The following DLG2 variants were observed in gnomAD, a reference collection of about 807,000 sequenced individuals.
The protein encoded by DLG2 is disks large homolog 2.
In DLG2, 45 loss-of-function variants were observed where a neutral mutation model predicts 132.5. The ratio of observed to expected loss-of-function variants is 0.34; its 90% CI spans 0.27 to 0.44. The LOEUF is 0.44. DLG2 is among the 20% of genes least tolerant of loss of function. The pLI is 1.00. For missense variants in DLG2, 1,045 were observed against 1,196.9 expected, an observed-to-expected ratio of 0.87 and a Z score of 1.87; for synonymous variants, 424 against 419.6, an observed-to-expected ratio of 1.01 and a Z score of -0.13.
intron 7 of DLG2, among the ~76,000 whole-genome samples, chr11:84,510,961 C>T (rs1388900653): frequency 2.0e-5 from 3 of 151,962 alleles, no homozygotes; most frequent in Admixed American, 2.0e-4. Flanking sequence ...AGAGGAGACC[C>T]CTACCAGGAT....
At chr11:84,075,939 A>T (rs2096824615) in intron 10 of DLG2, among the ~76,000 whole-genome samples, 2 of 152,198 alleles carry the variant, frequency 1.3e-5, no homozygotes, top group East Asian at 3.9e-4. Context: ...TGGTATGCTT[A>T]ATCTATTACA....
At chr11:85,400,048 T>C (rs2087889587) in intron 3 of DLG2, among the ~76,000 whole-genome samples, 1 of 151,648 alleles carries the variant, frequency 6.6e-6, no homozygotes, top group Middle Eastern at 3.2e-3. Context: ...AAAGGGCTAA[T>C]ATCCAGAATC....
At chr11:83,865,027 G>A (rs978193532) in intron 16 of DLG2, among the ~76,000 whole-genome samples, 4 of 152,046 alleles carry the variant, frequency 2.6e-5, no homozygotes, top group Admixed American at 6.6e-5. Context: ...TTATTGTCCC[G>A]CAAATATTCA....
At chr11:84,927,311 T>C (rs1211870113) in intron 6 of DLG2, among the ~76,000 whole-genome samples, 3 of 151,992 alleles carry the variant, frequency 2.0e-5, no homozygotes, top group Admixed American at 6.6e-5. Context: ...AGTAGTTTTG[T>C]TAGATACCTT....
chr11:84,327,091 T>C (rs1272697877), intron 7 of DLG2, among the ~76,000 whole-genome samples: 1 of 151,528 alleles, frequency 6.6e-6, no homozygotes, highest in Non-Finnish European at 1.5e-5. Flanking sequence ...GTAAGTCTTA[T>C]AGACAACATA....
intron 6 of DLG2, among the ~76,000 whole-genome samples, chr11:85,005,348 C>T (rs950609368): frequency 1.3e-5 from 2 of 152,146 alleles, no homozygotes; most frequent in African/African-American, 2.4e-5. Flanking sequence ...ACTGATTCTT[C>T]CTATCCATGA....
chr11:84,581,859 A>C (rs2154529228), intron 6 of DLG2, among the ~76,000 whole-genome samples: 1 of 143,730 alleles, frequency 7.0e-6, no homozygotes, highest in East Asian at 2.3e-4. Flanking sequence ...GTCAGCCGAG[A>C]TTGCCTCATT....
At chr11:83,582,824 T>C (rs2097005895) in intron 19 of DLG2, among the ~76,000 whole-genome samples, 1 of 152,236 alleles carries the variant, frequency 6.6e-6, no homozygotes, top group African/African-American at 2.4e-5. Context: ...TACAGAGAAA[T>C]AATGTATAGA....
chr11:85,287,169 A>G (rs1343757207), intron 3 of DLG2, among the ~76,000 whole-genome samples: 1 of 152,106 alleles, frequency 6.6e-6, no homozygotes, highest in Non-Finnish European at 1.5e-5. Context: ...TGCATTATAT[A>G]TGTAGTTCAT....
At chr11:83,628,830 A>T (rs901824042) in intron 19 of DLG2, among the ~76,000 whole-genome samples, 2 of 152,182 alleles carry the variant, frequency 1.3e-5, no homozygotes, top group Non-Finnish European at 2.9e-5. Flanking sequence ...GTAAGCCGTA[A>T]ATCATGACCC....
chr11:85,617,663 A>C (rs1464428349), intron 2 of DLG2, among the ~76,000 whole-genome samples: 2 of 152,218 alleles, frequency 1.3e-5, no homozygotes, highest in Admixed American at 1.3e-4. Context: ...ACCAGTTTAC[A>C]CCATATATAC....
At chr11:83,991,712 A>G (rs758324421) in intron 11 of DLG2, among the ~76,000 whole-genome samples, 1 of 152,000 alleles carries the variant, frequency 6.6e-6, no homozygotes, top group South Asian at 2.1e-4. Context: ...CTCTATTTCT[A>G]TATTACAAAC....
rs139779661 is a variant in DLG2 at position 84,788,578 on chromosome 11, G to A, written c.358-253847C>T. On this transcript the variant is annotated intron_variant, in intron 6 of 27. Coordinates refer to ENST00000376104, the MANE Select transcript of DLG2 (RefSeq NM_001142699.3). ...ATGTAGTTATAATACATTTTATAAC[G>A]TATATACAATGTTTCCCTCTACTAC... is the stretch of plus-strand genomic sequence containing the variant. 9.6e-4 allele frequency among the ~76,000 whole-genome samples: 145 copies of A among 151,650 alleles called. 1 individual carries two copies. In the South Asian group the frequency reaches 9.8e-3, roughly 10 times the overall value.
intron 6 of DLG2, among the ~76,000 whole-genome samples, chr11:85,014,350 T>C (rs1166063275): frequency 6.6e-6 from 1 of 152,232 alleles, no homozygotes; most frequent in African/African-American, 2.4e-5. Flanking sequence ...TTTTAGTTCC[T>C]TGTAATTCTT....
intron 9 of DLG2, among the ~76,000 whole-genome samples, chr11:84,144,514 T>G (rs1384423653): frequency 6.6e-6 from 1 of 152,104 alleles, no homozygotes; most frequent in Admixed American, 6.6e-5. Context: ...TCAATTGGCC[T>G]AAATCAGTAA....
chr11:83,855,058 A>G (rs979374492), intron 16 of DLG2, among the ~76,000 whole-genome samples: 2 of 152,196 alleles, frequency 1.3e-5, no homozygotes, highest in African/African-American at 4.8e-5. Context: ...ATGACAAATA[A>G]GCACATGAAA....
At chr11:83,727,711 A>G (rs2090280529) in intron 18 of DLG2, among the ~76,000 whole-genome samples, 1 of 152,198 alleles carries the variant, frequency 6.6e-6, no homozygotes, top group Non-Finnish European at 1.5e-5. Flanking sequence ...CAGATTTGTT[A>G]TTTGATTTAA....
At chr11:85,147,966 A>G (rs2076972690) in intron 5 of DLG2, among the ~76,000 whole-genome samples, 1 of 149,302 alleles carries the variant, frequency 6.7e-6, no homozygotes, top group Non-Finnish European at 1.5e-5. Context: ...ATGTGTTCTC[A>G]TTGTACAACT....
At chr11:85,005,070 T>C (rs1382514737) in intron 6 of DLG2, among the ~76,000 whole-genome samples, 1 of 152,204 alleles carries the variant, frequency 6.6e-6, no homozygotes, top group Non-Finnish European at 1.5e-5. Context: ...GCCTCTGTTC[T>C]GTTCCATTGG....
Sources: allele counts gnomAD v4.1 joint callset (sites outside exome capture counted in the v4.1 genomes callset), GRCh38; gene constraint gnomAD v4.1.1; transcripts MANE v1.5; gene names NCBI Gene and HGNC (gene_info 2026-07-23, HGNC 2026-07-21).